DOCK3: variants seen among roughly 807,000 people sequenced by gnomAD.
DOCK3 encodes dedicator of cytokinesis 3.
DOCK3 carries 60 observed loss-of-function variants against 265.6 expected under a neutral mutation model. That is an observed-to-expected ratio of 0.23 (90% CI 0.18 to 0.28). The LOEUF (loss-of-function observed/expected upper bound fraction) is 0.28. Ranked by LOEUF, DOCK3 falls within the 10% of genes least tolerant of loss-of-function variation. The probability of loss-of-function intolerance (pLI) is 1.00; values close to 1 mark genes in which losing one functional copy is unlikely to be tolerated. For missense variants in DOCK3, 1,981 were observed against 2,594.3 expected (o/e 0.76, Z 5.14); for synonymous variants, 881 against 938.0 (o/e 0.94, Z 1.11).
chr3:50,686,369 T>C (rs911856171), intron 1 of DOCK3, among the ~76,000 whole-genome samples: 1 of 152,222 alleles, frequency 6.6e-6, no homozygotes, highest in Non-Finnish European at 1.5e-5. Flanking sequence ...CCAGAATGTA[T>C]GGAGATTTGA....
intron 3 of DOCK3, among the ~76,000 whole-genome samples, chr3:50,879,216 T>TGAA (rs2047891443): frequency 6.6e-6 from 1 of 152,146 alleles, no homozygotes; most frequent in Non-Finnish European, 1.5e-5. Context: ...AGAAACTGCA[T>TGAA]CAATTAACGA....
At chr3:51,303,155 A>C (rs2082450673) in intron 27 of DOCK3, among the ~76,000 whole-genome samples, 1 of 151,868 alleles carries the variant, frequency 6.6e-6, no homozygotes, top group East Asian at 1.9e-4. Flanking sequence ...TTATTTCAGC[A>C]AGATAGTCTT....
At chr3:50,680,703 G>T (rs1304852263) in intron 1 of DOCK3, among the ~76,000 whole-genome samples, 5 of 151,304 alleles carry the variant, frequency 3.3e-5, no homozygotes, top group Non-Finnish European at 5.9e-5. Context: ...TAGAGACTGG[G>T]TCTTGCTATT....
chr3:51,330,197 G>A lies in DOCK3; in HGVS notation c.3462G>A (p.Glu1154=). Residue 1154 remains glutamate, a synonymous_variant, in exon 33 of 53, where the codon GAG becomes GAA. Transcript: ENST00000266037. ...DSMVSEGKGD[E]SYRELFSLLT... is the part of the protein sequence containing the mutation. ...TGGTGTCAGAAGGGAAAGGTGACGAGAGCTACAGGGAGCTCTTCAGCCTAC... is the reference window on the plus strand; with the variant it reads ...TGGTGTCAGAAGGGAAAGGTGACGAAAGCTACAGGGAGCTCTTCAGCCTAC... 2.5e-6 allele frequency: 4 copies of A among 1,601,388 alleles called. No homozygotes were observed. The highest frequency in any genetic ancestry group is 1.1e-5 in the South Asian group (1 of 88,256).
chr3:50,700,140 G>A (rs1334821249), intron 1 of DOCK3, among the ~76,000 whole-genome samples: 1 of 152,084 alleles, frequency 6.6e-6, no homozygotes, highest in Non-Finnish European at 1.5e-5. Flanking sequence ...TCAGCCAGAT[G>A]TAGTGGTGCG....
At chr3:50,994,669 A>G (rs1341784015) in intron 5 of DOCK3, among the ~76,000 whole-genome samples, 1 of 152,224 alleles carries the variant, frequency 6.6e-6, no homozygotes, top group Non-Finnish European at 1.5e-5. Flanking sequence ...AGTTGGCAGT[A>G]TGGTTGTAGA....
At position 51,275,290 on chromosome 3, in the gene DOCK3, G is replaced by A. The variant is rs145055293; in HGVS notation, c.2676+84G>A. The A allele has an allele frequency of 9.3e-5, 146 of 1,577,190 alleles. No homozygotes were observed. In the African/African-American group the frequency reaches 1.8e-3, roughly 20 times the overall value. ...AGCCAGAGGCAGACCAACAAAGATC[G>A]CTTTGTACACTTTTCAGTCACAGAT... On this transcript the variant is annotated intron_variant, in intron 25 of 52. Coordinates refer to ENST00000266037, the MANE Select transcript of DOCK3 (RefSeq NM_004947.5).
At chr3:50,894,530 A>G (rs1226790553) in intron 4 of DOCK3, among the ~76,000 whole-genome samples, 1 of 152,170 alleles carries the variant, frequency 6.6e-6, no homozygotes, top group East Asian at 1.9e-4. Context: ...ACAAAAGTAT[A>G]CAATTCACAG....
At chr3:50,932,811 A>G (rs2108156540) in intron 4 of DOCK3, among the ~76,000 whole-genome samples, 1 of 152,358 alleles carries the variant, frequency 6.6e-6, no homozygotes, top group South Asian at 2.1e-4. Flanking sequence ...AGAAGAGTTC[A>G]TTGATCTGCT....
At chr3:50,970,357 T>C (rs936375366) in intron 5 of DOCK3, among the ~76,000 whole-genome samples, 4 of 152,184 alleles carry the variant, frequency 2.6e-5, no homozygotes, top group African/African-American at 9.7e-5. Flanking sequence ...CTATGGAAAT[T>C]TTCCTCAATT....
At chr3:51,346,408 C>G (rs548728491) in intron 38 of DOCK3, among the ~76,000 whole-genome samples, 2 of 151,972 alleles carry the variant, frequency 1.3e-5, no homozygotes, top group East Asian at 3.9e-4. Context: ...TCTGTCCTTG[C>G]AATAGTTTGC....
intron 1 of DOCK3, among the ~76,000 whole-genome samples, chr3:50,703,160 G>A (rs1247420743): frequency 1.3e-5 from 2 of 152,096 alleles, no homozygotes; most frequent in African/African-American, 4.8e-5. Context: ...ACTTGCATAT[G>A]TTGAACAATC....
chr3:51,266,113 A>T (rs764608654), intron 23 of DOCK3, among the ~76,000 whole-genome samples: 4 of 152,178 alleles, frequency 2.6e-5, no homozygotes, highest in Admixed American at 6.5e-5. Flanking sequence ...TAGGAATACA[A>T]CTTAGAAGGG....
chr3:50,913,953 G>T (rs1275900203), intron 4 of DOCK3, among the ~76,000 whole-genome samples: 11 of 152,022 alleles, frequency 7.2e-5, no homozygotes, highest in Non-Finnish European at 1.6e-4. Flanking sequence ...TTTTGGAGTG[G>T]ATACTTGTTA....
intron 32 of DOCK3, among the ~76,000 whole-genome samples, chr3:51,325,189 C>T (rs1254872584): frequency 6.6e-6 from 1 of 151,706 alleles, no homozygotes; most frequent in Non-Finnish European, 1.5e-5. Context: ...GGCTAACATC[C>T]AAAATCTACA....
chr3:50,675,309 G>A lies in DOCK3; in HGVS notation c.37+9G>A. 7.9e-7 allele frequency: 1 copy of A among 1,265,366 alleles called. No homozygotes were observed. The highest frequency in any genetic ancestry group is 1.0e-6 in the Non-Finnish European group (1 of 991,500). The allele number at this position is 1,265,366 out of a possible 1,614,324, so 78.4% of individuals were successfully genotyped here. Reference sequence around the variant, plus strand: ...GGAGAAATACGGCGTAGGTAGGTGAGGCTCAGGCCTGGCCGTGGCGGGGGT... The same window carrying A: ...GGAGAAATACGGCGTAGGTAGGTGAAGCTCAGGCCTGGCCGTGGCGGGGGT... On this transcript the variant is annotated intron_variant, in intron 1 of 52. Coordinates refer to ENST00000266037, the MANE Select transcript of DOCK3 (RefSeq NM_004947.5). The surrounding 1 kb of genome is among the most constrained non-coding windows in gnomAD (Gnocchi z 6.1).
rs187523597 is a variant in DOCK3, at chr3:50,894,388, G to T, written c.218+4307G>T. On this transcript the variant is annotated intron_variant, in intron 4 of 52. Coordinates refer to ENST00000266037, the MANE Select transcript of DOCK3 (RefSeq NM_004947.5). ...AGCAAAACTGTCCTTCAGAAATGAA[G>T]TAGAGAGAAAGGCTTTCCCAGATAA... is the stretch of plus-strand genomic sequence containing the variant. Among the ~76,000 whole-genome samples, 17 of 152,174 alleles carry T rather than the reference G, an allele frequency of 1.1e-4. 1 individual carries two copies. In the East Asian group the frequency reaches 3.1e-3, roughly 28 times the overall value.
intron 22 of DOCK3, among the ~76,000 whole-genome samples, chr3:51,249,638 G>A (rs1463127606): frequency 1.0e-4 from 3 of 30,064 alleles, no homozygotes; most frequent in Non-Finnish European, 1.9e-4. Context: ...CGTCCCGTCC[G>A]GGAGGGAGGT....
intron 2 of DOCK3, among the ~76,000 whole-genome samples, chr3:50,791,607 C>T (rs2108608090): frequency 6.6e-6 from 1 of 152,186 alleles, no homozygotes; most frequent in Admixed American, 6.5e-5. Flanking sequence ...GATTTTTGTG[C>T]ATGGTGTAAG....
Sources: gnomAD v4.1 joint callset for allele counts (sites outside exome capture counted in the v4.1 genomes callset) on GRCh38, gnomAD v4.1.1 for gene constraint, Gnocchi (gnomAD v3.1) non-coding constraint, MANE v1.5 for transcripts, NCBI Gene and HGNC (gene_info 2026-07-23, HGNC 2026-07-21) for gene names.